The following CDH4 variants were observed in gnomAD, a reference collection of about 807,000 sequenced individuals.
The protein encoded by CDH4 is cadherin-4.
Under a neutral mutation model 86.0 loss-of-function variants are expected in CDH4, and 33 were observed. The ratio of observed to expected loss-of-function variants is 0.38; its 90% CI spans 0.29 to 0.51. The LOEUF is 0.51. Among genes scored for constraint, CDH4 ranks in the 20% least tolerant of loss-of-function variants. The pLI, the probability that CDH4 is intolerant of heterozygous loss-of-function variation, is 0.86. For synonymous variants in CDH4, 555 were observed against 549.4 expected (o/e 1.01, Z -0.14); for missense variants, 1,114 against 1,307.4 (o/e 0.85, Z 2.28).
chr20:61,811,904 G>A lies in CDH4; in HGVS notation c.577-32764G>A, dbSNP rs1021577693. On this transcript the variant is annotated intron_variant, in intron 4 of 15. Transcript: ENST00000614565. The surrounding 1 kb of genome is among the most constrained non-coding windows in gnomAD (Gnocchi z 4.4). The stretch of plus-strand genomic sequence containing the variant: ...CCAGGCTGGTCTCGAACTCCTGACC[G>A]CAGGTGATCCACCTACCTCGGCCTC... Among the ~76,000 whole-genome samples, 6 of 151,814 alleles carry A rather than the reference G, an allele frequency of 4.0e-5. No homozygotes were observed. The highest frequency in any genetic ancestry group is 2.1e-4 in the South Asian group (1 of 4,818).
intron 2 of CDH4, among the ~76,000 whole-genome samples, chr20:61,255,822 G>T (rs139997098): frequency 3.9e-4 from 60 of 152,290 alleles, no homozygotes; most frequent in African/African-American, 1.4e-3. Context: ...GCGTGAACTC[G>T]CTCACGCTTA....
In CDH4 at chr20:61,936,756, A is replaced by G. The variant is rs1055850637; in HGVS notation, c.2564A>G (p.Asn855Ser). 1.9e-6 allele frequency: 3 copies of G among 1,603,554 alleles called. No individual in the cohort carries two copies. Among genetic ancestry groups the G allele is most frequent in the African/African-American group, 1.3e-5 (1 of 74,198 alleles). ...FINEGLRAAD[N>S]DPTAPPYDSL... is the part of the protein sequence containing the mutation. ...CCCCAGGGACTCCGCGCTGCTGACA[A>G]CGACCCCACGGCACCCCCCTATGAC... is the stretch of plus-strand genomic sequence containing the variant. Residue 855 changes from asparagine (N) to serine (S), a missense_variant, in exon 16 of 16, where the codon AAC becomes AGC. Coordinates refer to ENST00000614565, the MANE Select transcript of CDH4 (RefSeq NM_001794.5).
chr20:61,750,403 A>G (rs1356581499), intron 3 of CDH4, among the ~76,000 whole-genome samples: 1 of 152,238 alleles, frequency 6.6e-6, no homozygotes, highest in Non-Finnish European at 1.5e-5. Flanking sequence ...GTAGAAATAT[A>G]CACCTTACCA....
intron 2 of CDH4, among the ~76,000 whole-genome samples, chr20:61,608,105 G>A (rs996975361): frequency 5.3e-5 from 8 of 152,020 alleles, no homozygotes; most frequent in African/African-American, 1.7e-4. Context: ...ACCCCAGGGT[G>A]TCTCCTGTGT....
chr20:61,496,520 G>A (rs1315206979), intron 2 of CDH4, among the ~76,000 whole-genome samples: 4 of 152,232 alleles, frequency 2.6e-5, no homozygotes, highest in Middle Eastern at 3.4e-3. Context: ...AAGTGCAGAC[G>A]TCAGTATACT....
chr20:61,474,152 CTTTTTTTTTTTTTTT>C (rs10551077), intron 2 of CDH4, among the ~76,000 whole-genome samples: 2 of 40,020 alleles, frequency 5.0e-5, no homozygotes, highest in South Asian at 1.7e-3. Context: ...TGGAATAGGA[CTTTTTTTTTTTTTTT>C]TTTTTTTTTT....
chr20:61,476,018 G>A (rs116541202), intron 2 of CDH4, among the ~76,000 whole-genome samples: 40 of 152,188 alleles, frequency 2.6e-4, no homozygotes, highest in African/African-American at 8.7e-4. Context: ...AGATCTGCAC[G>A]TGGTCACCAC....
rs557505506 is a variant in CDH4, at chr20:61,303,795, C to T, written c.169+48858C>T. Among the ~76,000 whole-genome samples the T allele has an allele frequency of 3.3e-5, 5 of 152,306 alleles. No homozygotes were observed. The South Asian group carries it at 8.3e-4, about 25-fold the overall frequency. ...CCCCCAGGCCCGGGACACGGAGGCA[C>T]CAGTGGGAGGAGCCCACGGAAGTCC... is the stretch of plus-strand genomic sequence containing the variant. On this transcript the variant is annotated intron_variant, in intron 2 of 15. Coordinates refer to ENST00000614565, the MANE Select transcript of CDH4 (RefSeq NM_001794.5).
intron 2 of CDH4, among the ~76,000 whole-genome samples, chr20:61,325,981 G>A (rs1385557142): frequency 6.6e-6 from 1 of 152,176 alleles, no homozygotes; most frequent in Non-Finnish European, 1.5e-5. Context: ...GGCGGTACCG[G>A]TTCAAACCCA....
At chr20:61,530,960 A>C (rs547138146) in intron 2 of CDH4, among the ~76,000 whole-genome samples, 1 of 152,278 alleles carries the variant, frequency 6.6e-6, no homozygotes, top group African/African-American at 2.4e-5. Flanking sequence ...ACTAATATCT[A>C]TGCCAATAGT....
At chr20:61,904,735 C>T (rs1052384816) in intron 8 of CDH4, among the ~76,000 whole-genome samples, 1 of 152,262 alleles carries the variant, frequency 6.6e-6, no homozygotes, top group East Asian at 1.9e-4. Flanking sequence ...CTGCCTCCCA[C>T]GTGGCCGCTT....
chr20:61,871,996 C>T (rs561085911), intron 6 of CDH4, among the ~76,000 whole-genome samples: 1 of 149,270 alleles, frequency 6.7e-6, no homozygotes, highest in African/African-American at 2.4e-5. Context: ...GCCAGAGTGG[C>T]GGTCTTCTCT....
intron 2 of CDH4, among the ~76,000 whole-genome samples, chr20:61,262,203 G>A (rs921198125): frequency 6.6e-6 from 1 of 152,222 alleles, no homozygotes; most frequent in African/African-American, 2.4e-5. Context: ...GCCAGCCGGG[G>A]CGGGGCTCCC....
intron 4 of CDH4, among the ~76,000 whole-genome samples, chr20:61,806,720 GA>G (rs1370822329): frequency 3.3e-5 from 5 of 152,174 alleles, no homozygotes; most frequent in African/African-American, 9.7e-5. Flanking sequence ...GAGGACACAG[GA>G]GGAAACCTTG....
At chr20:61,694,831 C>A (rs1600883124) in intron 2 of CDH4, among the ~76,000 whole-genome samples, 1 of 152,340 alleles carries the variant, frequency 6.6e-6, no homozygotes, top group South Asian at 2.1e-4. Context: ...CACAAGCCTG[C>A]TCTGCCGAGC....
intron 2 of CDH4, among the ~76,000 whole-genome samples, chr20:61,705,057 C>T (rs1568766772): frequency 6.6e-6 from 1 of 152,208 alleles, no homozygotes; most frequent in Admixed American, 6.5e-5. Context: ...AGTCCTTCTG[C>T]ACCCAGCCAG....
chr20:61,551,254 C>T (rs567485766), intron 2 of CDH4, among the ~76,000 whole-genome samples: 8 of 152,266 alleles, frequency 5.3e-5, no homozygotes, highest in South Asian at 4.2e-4. Context: ...GATGATGTGC[C>T]GGATGTGTAA....
At chr20:61,850,954 C>T (rs1455431890) in intron 5 of CDH4, among the ~76,000 whole-genome samples, 3 of 152,244 alleles carry the variant, frequency 2.0e-5, no homozygotes, top group Non-Finnish European at 2.9e-5. Flanking sequence ...CTACAGATAG[C>T]GCCTGAAACT....
chr20:61,563,833 G>C (rs548623808), intron 2 of CDH4, among the ~76,000 whole-genome samples: 50 of 152,272 alleles, frequency 3.3e-4, no homozygotes, highest in African/African-American at 1.2e-3. Flanking sequence ...TGACTGCTTG[G>C]TAGATATGAA....
Sources: gnomAD v4.1 joint callset for allele counts (sites outside exome capture counted in the v4.1 genomes callset) on GRCh38, gnomAD v4.1.1 for gene constraint, Gnocchi (gnomAD v3.1) non-coding constraint, MANE v1.5 for transcripts, NCBI Gene and HGNC (gene_info 2026-07-23, HGNC 2026-07-21) for gene names.